Variants in MB21D2 observed in about 807,000 individuals in gnomAD.
MB21D2 encodes the protein nucleotidyltransferase MB21D2.
In MB21D2, 9 loss-of-function variants were observed where a neutral mutation model predicts 33.3. The ratio of observed to expected loss-of-function variants is 0.27; its 90% CI spans 0.16 to 0.47. MB21D2 has a LOEUF of 0.47. Among genes scored for constraint, MB21D2 ranks in the 20% least tolerant of loss-of-function variants. The probability of loss-of-function intolerance (pLI) is 0.99; values close to 1 mark genes in which losing one functional copy is unlikely to be tolerated. For synonymous variants in MB21D2, 241 were observed against 236.3 expected, an observed-to-expected ratio of 1.02 and a Z score of -0.18; for missense variants, 540 against 624.6, an observed-to-expected ratio of 0.86 and a Z score of 1.44.
At chr3:192,884,656 CG>C in intron 1 of MB21D2, among the ~76,000 whole-genome samples, 1 of 152,086 alleles carries the variant, frequency 6.6e-6, no homozygotes, top group Non-Finnish European at 1.5e-5. Flanking sequence ...CGTGAGCCAT[CG>C]CACCCGGCCA....
intron 1 of MB21D2, among the ~76,000 whole-genome samples, chr3:192,826,715 T>C (rs1395098811): frequency 6.6e-6 from 1 of 152,166 alleles, no homozygotes. Context: ...AGAATCTCCC[T>C]GCATCTCTGG....
At chr3:192,832,821 T>C (rs949447520) in intron 1 of MB21D2, among the ~76,000 whole-genome samples, 13 of 151,864 alleles carry the variant, frequency 8.6e-5, no homozygotes, top group African/African-American at 3.1e-4. Context: ...GGGGGAAGAG[T>C]ACATCTACTG....
At chr3:192,850,851 G>A (rs935729473) in intron 1 of MB21D2, among the ~76,000 whole-genome samples, 8 of 152,186 alleles carry the variant, frequency 5.3e-5, no homozygotes, top group Non-Finnish European at 8.8e-5. Context: ...AGTCATTTAA[G>A]ACCTTTGTAA....
At chr3:192,881,156 G>A (rs1448627970) in intron 1 of MB21D2, among the ~76,000 whole-genome samples, 2 of 152,084 alleles carry the variant, frequency 1.3e-5, no homozygotes, top group Non-Finnish European at 2.9e-5. Context: ...TTGGTAGCAA[G>A]TTATCTTTGT....
At chr3:192,807,477 T>G (rs1049376056) in intron 1 of MB21D2, among the ~76,000 whole-genome samples, 4 of 152,124 alleles carry the variant, frequency 2.6e-5, no homozygotes, top group Non-Finnish European at 4.4e-5. Flanking sequence ...ATGCTCTGAA[T>G]GAAGTCAACT....
At chr3:192,805,513 C>T (rs1000416122) in intron 1 of MB21D2, among the ~76,000 whole-genome samples, 4 of 151,752 alleles carry the variant, frequency 2.6e-5, no homozygotes, top group African/African-American at 9.7e-5. Context: ...ATGGTAATGC[C>T]CTATTGACCA....
Position 192,798,968 on chromosome 3 carries a change from C to T in MB21D2, c.894G>A (p.Leu298=), listed in dbSNP as rs753171089. Residue 298 remains leucine (L), a synonymous_variant, in exon 2 of 2, where the codon TTG becomes TTA. Coordinates refer to ENST00000392452, the MANE Select transcript of MB21D2 (RefSeq NM_178496.4). This position sits in a 1 kb window ranked among gnomAD's most constrained non-coding sequence, Gnocchi z 4.8. ...TGAGGCTGCTGGAGATGCACTTCTT[C>T]AACTGCACCTCGCTCCTGGCAAAGG... is the stretch of plus-strand genomic sequence containing the variant. ...RLSFARSEVQ[L]KKCISSSLMQ... is the part of the protein sequence containing the mutation. 4 of 1,614,058 alleles carry T rather than the reference C, an allele frequency of 2.5e-6. No individual in the cohort carries two copies. The highest frequency in any genetic ancestry group is 2.5e-6 in the Non-Finnish European group (3 of 1,180,000).
At chr3:192,863,860 C>T (rs1316556118) in intron 1 of MB21D2, among the ~76,000 whole-genome samples, 1 of 152,178 alleles carries the variant, frequency 6.6e-6, no homozygotes, top group Admixed American at 6.5e-5. Flanking sequence ...TCGCCAGACA[C>T]CAAACCTGCC....
At chr3:192,806,877 A>G (rs1289915144) in intron 1 of MB21D2, among the ~76,000 whole-genome samples, 1 of 152,240 alleles carries the variant, frequency 6.6e-6, no homozygotes, top group African/African-American at 2.4e-5. Flanking sequence ...AAACAGAATG[A>G]ACATGAGTTA....
intron 1 of MB21D2, among the ~76,000 whole-genome samples, chr3:192,886,133 T>C (rs1713728490): frequency 6.6e-6 from 1 of 152,030 alleles, no homozygotes; most frequent in Non-Finnish European, 1.5e-5. Flanking sequence ...CTAATTTTTG[T>C]ATTTTTAGTA....
At chr3:192,873,419 C>T (rs1269312882) in intron 1 of MB21D2, among the ~76,000 whole-genome samples, 1 of 152,106 alleles carries the variant, frequency 6.6e-6, no homozygotes, top group Non-Finnish European at 1.5e-5. Flanking sequence ...CTTCTCAGGA[C>T]CGCAAGTAAC....
intron 1 of MB21D2, among the ~76,000 whole-genome samples, chr3:192,818,803 A>T (rs746979053): frequency 8.6e-5 from 13 of 151,936 alleles, no homozygotes; most frequent in Non-Finnish European, 1.3e-4. Flanking sequence ...GAATATGAGG[A>T]TTTTAAGGAA....
At chr3:192,822,191 T>A (rs1314880517) in intron 1 of MB21D2, among the ~76,000 whole-genome samples, 2 of 55,836 alleles carry the variant, frequency 3.6e-5, no homozygotes, top group South Asian at 6.1e-4. Context: ...AAAGGCGGGG[T>A]GGGGGTGGGA....
At chr3:192,899,867 G>A (rs1714056380) in intron 1 of MB21D2, among the ~76,000 whole-genome samples, 1 of 152,222 alleles carries the variant, frequency 6.6e-6, no homozygotes, top group Non-Finnish European at 1.5e-5. Flanking sequence ...TTGGGGCACA[G>A]ATAAATTCAC....
At chr3:192,876,936 G>A (rs551840880) in intron 1 of MB21D2, among the ~76,000 whole-genome samples, 6 of 152,264 alleles carry the variant, frequency 3.9e-5, no homozygotes, top group African/African-American at 7.2e-5. Context: ...CTAATAGTCC[G>A]CTGGTTGAGT....
chr3:192,799,188 C>A lies in MB21D2; in HGVS notation c.674G>T (p.Gly225Val). Residue 225 changes from glycine (G) to valine (V), a missense_variant, in exon 2 of 2, where the codon GGT becomes GTT. Transcript: ENST00000392452. This position sits in a 1 kb window ranked among gnomAD's most constrained non-coding sequence, Gnocchi z 4.1. ...ATACAACATGCGACTACTCCCTACA[C>A]CCAGAATGATGGAGATGATGGTCCC... is the stretch of plus-strand genomic sequence containing the variant. ...KNGTIISIIL[G>V]VGSSRMLYDI... 1 of 1,614,242 alleles carries A rather than the reference C, an allele frequency of 6.2e-7. No individual in the cohort carries two copies. The highest frequency in any genetic ancestry group is 8.5e-7 in the Non-Finnish European group (1 of 1,180,044).
At chr3:192,911,526 T>G (rs1358213125) in intron 1 of MB21D2, among the ~76,000 whole-genome samples, 1 of 152,220 alleles carries the variant, frequency 6.6e-6, no homozygotes, top group Admixed American at 6.5e-5. Context: ...GATGTTGACA[T>G]GCTGAGCAGC....
chr3:192,818,992 GT>G (rs11328954), intron 1 of MB21D2, among the ~76,000 whole-genome samples: 89,751 of 150,456 alleles, frequency 0.6, 28,211 homozygotes, highest in African/African-American at 0.82. Context: ...CAGGAATTGA[GT>G]TTTTTTTTTG....
At chr3:192,896,430 T>C (rs1459773111) in intron 1 of MB21D2, among the ~76,000 whole-genome samples, 1 of 72,878 alleles carries the variant, frequency 1.4e-5, no homozygotes, top group Non-Finnish European at 3.1e-5. Flanking sequence ...CATAGTACAC[T>C]GCAACTTCGA....
Sources: gnomAD v4.1 joint callset for allele counts (sites outside exome capture counted in the v4.1 genomes callset) on GRCh38, gnomAD v4.1.1 for gene constraint, Gnocchi (gnomAD v3.1) non-coding constraint, MANE v1.5 for transcripts, NCBI Gene and HGNC (gene_info 2026-07-23, HGNC 2026-07-21) for gene names.